The following ARHGAP44 variants were observed in gnomAD, a reference collection of about 807,000 sequenced individuals.
ARHGAP44 encodes the protein rho GTPase-activating protein 44.
In ARHGAP44, 43 loss-of-function variants were observed where a neutral mutation model predicts 106.8. The ratio of observed to expected loss-of-function variants is 0.40; its 90% CI spans 0.32 to 0.52. The LOEUF is 0.52. Among genes scored for constraint, ARHGAP44 ranks in the 20% least tolerant of loss-of-function variants. The pLI, the probability that ARHGAP44 is intolerant of heterozygous loss-of-function variation, is 0.48. For synonymous variants in ARHGAP44, 439 were observed against 410.3 expected, an observed-to-expected ratio of 1.07 and a Z score of -0.85; for missense variants, 866 against 1,050.5, an observed-to-expected ratio of 0.82 and a Z score of 2.43.
chr17:12,800,619 T>A (rs2034063939), intron 1 of ARHGAP44, among the ~76,000 whole-genome samples: 1 of 152,138 alleles, frequency 6.6e-6, no homozygotes, highest in Non-Finnish European at 1.5e-5. Flanking sequence ...CGGCCAAAAG[T>A]CATAGAGCCA....
chr17:12,876,323 C>T (rs978797719), intron 1 of ARHGAP44, among the ~76,000 whole-genome samples: 4 of 152,202 alleles, frequency 2.6e-5, no homozygotes, highest in African/African-American at 7.2e-5. Context: ...TGCGGGTACT[C>T]TTCCCTCACT....
intron 20 of ARHGAP44, chr17:12,987,176 CT>C: frequency 6.5e-7 from 1 of 1,527,594 alleles, no homozygotes; most frequent in Middle Eastern, 1.7e-4. Flanking sequence ...GGCCTCGCCC[CT>C]CCACCCCGCT....
Position 12,981,419 on chromosome 17 carries a change from C to T in ARHGAP44, c.1939+1186C>T, listed in dbSNP as rs558207563. The stretch of plus-strand genomic sequence containing the variant: ...TTATGTCTTTTTTTTTTTTTTGAGA[C>T]GAAGTCTTGCTCTTGTGCCCCAGGC... On this transcript the variant is annotated intron_variant, in intron 19 of 20. Coordinates refer to ENST00000379672, the MANE Select transcript of ARHGAP44 (RefSeq NM_014859.6). Among the ~76,000 whole-genome samples, 151 of 149,450 alleles carry T rather than the reference C, an allele frequency of 1.0e-3. 2 individuals carry two copies. The South Asian group carries it at 0.028, about 27-fold the overall frequency.
At chr17:12,950,876 GTGT>G (rs2038976781) in intron 12 of ARHGAP44, among the ~76,000 whole-genome samples, 1 of 152,168 alleles carries the variant, frequency 6.6e-6, no homozygotes, top group African/African-American at 2.4e-5. Context: ...TGAGGAACAG[GTGT>G]TGTTTCTCAT....
chr17:12,819,829 T>C (rs536429521), intron 1 of ARHGAP44, among the ~76,000 whole-genome samples: 4 of 152,184 alleles, frequency 2.6e-5, no homozygotes, highest in East Asian at 1.9e-4. Flanking sequence ...CATTTGCTGA[T>C]TGTGTTATTA....
chr17:12,973,170 T>G, intron 16 of ARHGAP44, 132 bp from the exon 17 acceptor site: 1 of 870,782 alleles, frequency 1.1e-6, no homozygotes, highest in Non-Finnish European at 1.8e-6. Flanking sequence ...GTAATAATTT[T>G]ATAGCACAAT....
intron 13 of ARHGAP44, 35 bp from the exon 14 acceptor site, chr17:12,955,832 C>T (rs2190698): frequency 0.099 from 138,623 of 1,405,168 alleles, 10,564 homozygotes; most frequent in East Asian, 0.45. Context: ...GGTGTTGAGC[C>T]TTGGTTAAAC....
intron 1 of ARHGAP44, among the ~76,000 whole-genome samples, chr17:12,816,827 T>C (rs749389863): frequency 1.1e-3 from 168 of 152,162 alleles, no homozygotes; most frequent in Non-Finnish European, 2.1e-3. Context: ...ACTTTGACAC[T>C]CCTGTCTTAG....
At chr17:12,963,072 C>CAAAAAAAA (rs2039304250) in intron 16 of ARHGAP44, among the ~76,000 whole-genome samples, 1 of 118,526 alleles carries the variant, frequency 8.4e-6, no homozygotes, top group Non-Finnish European at 1.8e-5. Flanking sequence ...AAAAAAAAAG[C>CAAAAAAAA]AATTTCTGTT....
intron 10 of ARHGAP44, 124 bp downstream of exon 10, chr17:12,944,320 C>T (rs2038791679): frequency 7.9e-7 from 1 of 1,269,022 alleles, no homozygotes; most frequent in Admixed American, 2.9e-5. Context: ...TGGCTTAAGA[C>T]AGTGGCTCAG....
chr17:12,917,887 C>G (rs79256179), intron 5 of ARHGAP44, among the ~76,000 whole-genome samples: 11 of 152,186 alleles, frequency 7.2e-5, no homozygotes, highest in Non-Finnish European at 1.0e-4. Flanking sequence ...CTGCCTTGCC[C>G]TAGACCCTGT....
At chr17:12,938,074 G>A (rs1483972198) in intron 7 of ARHGAP44, among the ~76,000 whole-genome samples, 2 of 138,768 alleles carry the variant, frequency 1.4e-5, no homozygotes, top group Non-Finnish European at 3.2e-5. Context: ...CTCCAGCCTG[G>A]GTGACAGAAA....
At chr17:12,883,474 G>A (rs2036796638) in intron 1 of ARHGAP44, among the ~76,000 whole-genome samples, 1 of 150,408 alleles carries the variant, frequency 6.6e-6, no homozygotes, top group Non-Finnish European at 1.5e-5. Flanking sequence ...AATATTTTCA[G>A]CTTCTCTTCT....
intron 1 of ARHGAP44, among the ~76,000 whole-genome samples, chr17:12,833,377 A>G (rs983849969): frequency 3.9e-5 from 6 of 152,046 alleles, no homozygotes; most frequent in Non-Finnish European, 7.4e-5. Context: ...CTGATACCCA[A>G]CTAGCTTAAA....
At chr17:12,917,758 C>T (rs915314232) in intron 5 of ARHGAP44, among the ~76,000 whole-genome samples, 2 of 152,182 alleles carry the variant, frequency 1.3e-5, no homozygotes, top group Non-Finnish European at 2.9e-5. Flanking sequence ...AGCCACTGCC[C>T]TTAAGTGGTT....
intron 7 of ARHGAP44, 145 bp downstream of exon 7, chr17:12,929,191 C>A: frequency 1.5e-6 from 1 of 679,330 alleles, no homozygotes; most frequent in Non-Finnish European, 2.5e-6. Context: ...CTAGCATCTC[C>A]AAGGAGTCCA....
In ARHGAP44 at chr17:12,973,482, A is replaced by G; in HGVS notation, c.1541+163A>G. On this transcript the variant is annotated intron_variant, in intron 17 of 20. Coordinates refer to ENST00000379672, the MANE Select transcript of ARHGAP44 (RefSeq NM_014859.6). ...TCATTAAAATAGAATCAGAGCCCAG[A>G]GGGACCATAGGCACAAGCAGCCCCT... 8 of 709,152 alleles carry G rather than the reference A, an allele frequency of 1.1e-5. No individual in the cohort carries two copies. In the South Asian group the frequency reaches 1.3e-4, roughly 11 times the overall value. The allele number at this position is 709,152 out of a possible 1,614,324, so 43.9% of individuals were successfully genotyped here.
At chr17:12,943,287 T>G (rs2150983001) in intron 8 of ARHGAP44, among the ~76,000 whole-genome samples, 1 of 152,286 alleles carries the variant, frequency 6.6e-6, no homozygotes, top group East Asian at 1.9e-4. Flanking sequence ...GCACTGAGGA[T>G]GGGTTGCCAG....
At chr17:12,841,802 T>C (rs992941529) in intron 1 of ARHGAP44, among the ~76,000 whole-genome samples, 1 of 152,038 alleles carries the variant, frequency 6.6e-6, no homozygotes, top group African/African-American at 2.4e-5. Context: ...GATTCATTTG[T>C]TTGTAGGTAT....
Sources: allele counts gnomAD v4.1 joint callset (sites outside exome capture counted in the v4.1 genomes callset), GRCh38; gene constraint gnomAD v4.1.1; transcripts MANE v1.5; gene names NCBI Gene and HGNC (gene_info 2026-07-23, HGNC 2026-07-21).